The following STARD13 variants were observed in gnomAD, a reference collection of about 807,000 sequenced individuals.
The protein encoded by STARD13 is stAR-related lipid transfer protein 13.
STARD13 carries 62 observed loss-of-function variants against 106.4 expected under a neutral mutation model. That is an observed-to-expected ratio of 0.58 (90% CI 0.48 to 0.72). STARD13 has a LOEUF of 0.72. Among genes scored for constraint, STARD13 ranks in the 30% least tolerant of loss-of-function variants. The pLI, the probability that STARD13 is intolerant of heterozygous loss-of-function variation, is 0.00. For missense variants in STARD13, 1,387 were observed against 1,424.0 expected, an observed-to-expected ratio of 0.97 and a Z score of 0.42; for synonymous variants, 565 against 553.0, an observed-to-expected ratio of 1.02 and a Z score of -0.31.
intron 1 of STARD13, among the ~76,000 whole-genome samples, chr13:33,249,768 C>T (rs1890003677): frequency 6.6e-6 from 1 of 152,004 alleles, no homozygotes; most frequent in Non-Finnish European, 1.5e-5. Flanking sequence ...CATCATACAC[C>T]AATTATCTGT....
At chr13:33,250,060 G>T (rs1890021347) in intron 1 of STARD13, among the ~76,000 whole-genome samples, 1 of 152,076 alleles carries the variant, frequency 6.6e-6, no homozygotes, top group South Asian at 2.1e-4. Context: ...CAAGTGTTGG[G>T]ATTACAGGCA....
At chr13:33,431,825 G>T in the STARD13 span, among the ~76,000 whole-genome samples, 5 of 152,158 alleles carry the variant, frequency 3.3e-5, no homozygotes, top group East Asian at 1.9e-4. Flanking sequence ...GTGGGCCAGG[G>T]ATACCAAGAA....
chr13:33,220,342 A>G (rs1328614464), intron 1 of STARD13, among the ~76,000 whole-genome samples: 2 of 152,236 alleles, frequency 1.3e-5, no homozygotes, highest in Non-Finnish European at 2.9e-5. Flanking sequence ...AATGAGTATC[A>G]GCTGGTTGTA....
chr13:33,173,688 T>G (rs1884217404), intron 1 of STARD13, among the ~76,000 whole-genome samples: 2 of 152,236 alleles, frequency 1.3e-5, no homozygotes, highest in Non-Finnish European at 1.5e-5. Context: ...AAATACAGGT[T>G]ATTTGGAATG....
At chr13:33,404,148 T>C in the STARD13 span, among the ~76,000 whole-genome samples, 2 of 152,226 alleles carry the variant, frequency 1.3e-5, no homozygotes, top group Non-Finnish European at 2.9e-5. Context: ...TCATGGGTAG[T>C]GGGAAAGACG....
chr13:33,402,032 T>C, the STARD13 span, among the ~76,000 whole-genome samples: 1 of 152,346 alleles, frequency 6.6e-6, no homozygotes, highest in South Asian at 2.1e-4. Context: ...AGCTGCCAAA[T>C]GACAGGCCCT....
the STARD13 span, among the ~76,000 whole-genome samples, chr13:33,499,579 C>G: frequency 1.4e-5 from 1 of 69,504 alleles, no homozygotes; most frequent in Non-Finnish European, 3.0e-5. Flanking sequence ...TCTTCTTCTT[C>G]TTCTTCTTCT....
chr13:33,218,104 T>G (rs41327350), intron 1 of STARD13, among the ~76,000 whole-genome samples: 32,212 of 152,132 alleles, frequency 0.21, 3,743 homozygotes, highest in South Asian at 0.31. Context: ...GTAGCCAACT[T>G]TTTACTGTAT....
chr13:33,204,043 GT>G (rs775725585), intron 1 of STARD13, among the ~76,000 whole-genome samples: 4 of 152,168 alleles, frequency 2.6e-5, no homozygotes, highest in Non-Finnish European at 5.9e-5. Context: ...CAGCATAAAG[GT>G]AGTATCTGAA....
chr13:33,165,779 T>G (rs992607603), intron 2 of STARD13, among the ~76,000 whole-genome samples: 2 of 152,222 alleles, frequency 1.3e-5, no homozygotes, highest in Non-Finnish European at 2.9e-5. Flanking sequence ...ATCTTGATGG[T>G]TTCACGAAAT....
intron 1 of STARD13, among the ~76,000 whole-genome samples, chr13:33,253,420 C>T (rs1890185264): frequency 6.6e-6 from 1 of 152,236 alleles, no homozygotes; most frequent in African/African-American, 2.4e-5. Context: ...GCAGTACATG[C>T]TTCATCCAGG....
the STARD13 span, among the ~76,000 whole-genome samples, chr13:33,553,833 C>T: frequency 2.4e-3 from 370 of 152,146 alleles, 1 homozygote; most frequent in African/African-American, 8.5e-3. Flanking sequence ...CTGCCTCAGC[C>T]TCCCAAAGTG....
At chr13:33,202,063 C>A (rs970909681) in intron 1 of STARD13, among the ~76,000 whole-genome samples, 1 of 152,110 alleles carries the variant, frequency 6.6e-6, no homozygotes, top group African/African-American at 2.4e-5. Flanking sequence ...AGGAGAATTA[C>A]TGGATCAGAG....
the STARD13 span, among the ~76,000 whole-genome samples, chr13:33,598,571 A>C: frequency 6.6e-6 from 1 of 152,372 alleles, no homozygotes; most frequent in East Asian, 1.9e-4. Flanking sequence ...AAAAAGTTTT[A>C]GCATTTTCAT....
At chr13:33,292,456 C>A (rs1419911757) in intron 1 of STARD13, among the ~76,000 whole-genome samples, 1 of 151,652 alleles carries the variant, frequency 6.6e-6, no homozygotes, top group Non-Finnish European at 1.5e-5. Context: ...CAAAACTTAG[C>A]CAGGCATGGT....
At chr13:33,321,734 T>C (rs1893567345) in intron 1 of STARD13, among the ~76,000 whole-genome samples, 1 of 152,126 alleles carries the variant, frequency 6.6e-6, no homozygotes, top group African/African-American at 2.4e-5. Context: ...GCTCTCTGGA[T>C]CTTATTGCTG....
At chr13:33,453,444 TA>T in the STARD13 span, among the ~76,000 whole-genome samples, 1 of 152,144 alleles carries the variant, frequency 6.6e-6, no homozygotes, top group Non-Finnish European at 1.5e-5. Context: ...CTTTAAGAAA[TA>T]AAAATGACTC....
chr13:33,514,243 T>A, the STARD13 span, among the ~76,000 whole-genome samples: 1 of 152,066 alleles, frequency 6.6e-6, no homozygotes, highest in Admixed American at 6.6e-5. Context: ...ATGGACACAG[T>A]GTTTGGGAGG....
In STARD13 at chr13:33,127,506, G is replaced by A. The variant is rs374265748; in HGVS notation, c.1789C>T (p.Arg597Trp). 6.3e-5 allele frequency: 99 copies of A among 1,576,642 alleles called. No homozygotes were observed. The highest frequency in any genetic ancestry group is 7.4e-5 in the Non-Finnish European group (87 of 1,168,238). ...WNSFQLSHQP[R>W]PAPASPHISS... ...ATGTGGGGCGATGCTGGGGCCGGCC[G>A]GGGCTGGTGCGACAGCTGGAAACTG... Residue 597 changes from arginine (R) to tryptophan (W), a missense_variant, in exon 6 of 14, where the codon CGG becomes TGG. Physicochemically the swap from Arg to Trp is moderately radical, Grantham distance 101. Transcript: ENST00000336934.
Sources: allele counts gnomAD v4.1 joint callset (sites outside exome capture counted in the v4.1 genomes callset), GRCh38; gene constraint gnomAD v4.1.1; transcripts MANE v1.5; gene names NCBI Gene and HGNC (gene_info 2026-07-23, HGNC 2026-07-21).